MYT1: variants seen among roughly 807,000 people sequenced by gnomAD.
MYT1 encodes the protein myelin transcription factor 1.
In MYT1, 23 loss-of-function variants were observed where a neutral mutation model predicts 123.0. The ratio of observed to expected loss-of-function variants is 0.19; its 90% confidence interval spans 0.13 to 0.26. The LOEUF is 0.26. MYT1 is among the 10% of genes least tolerant of loss of function. MYT1 has a pLI of 1.00. For synonymous variants in MYT1, 518 were observed against 575.3 expected (o/e 0.90, Z 1.43); for missense variants, 1,125 against 1,472.5 (o/e 0.76, Z 3.86).
chr20:64,186,914 C>G lies in MYT1; in HGVS notation c.-98-3149C>G, dbSNP rs1982821526. Among the ~76,000 whole-genome samples the G allele has an allele frequency of 6.7e-6, 1 of 149,868 alleles. No individual in the cohort carries two copies. Among genetic ancestry groups the G allele is most frequent in the African/African-American group, 2.5e-5 (1 of 40,396 alleles). On this transcript the variant is annotated intron_variant, in intron 1 of 22. Coordinates refer to ENST00000328439, the MANE Select transcript of MYT1 (RefSeq NM_004535.3). The surrounding 1 kb of genome is among the most constrained non-coding windows in gnomAD (Gnocchi z 4.3). ...TTCCTGTAGCCCGTGGCCCCGGCATCCATGTTTCCGTGGAGAGTTTTCCTG... is the reference window on the plus strand; with the variant it reads ...TTCCTGTAGCCCGTGGCCCCGGCATGCATGTTTCCGTGGAGAGTTTTCCTG...
chr20:64,229,042 C>T (rs541011348), intron 18 of MYT1, among the ~76,000 whole-genome samples: 34 of 152,248 alleles, frequency 2.2e-4, no homozygotes, highest in African/African-American at 7.0e-4. Flanking sequence ...CCCAAACACC[C>T]GGCCACACTG....
Position 64,232,548 on chromosome 20 carries a change from C to T in MYT1, c.2897+163C>T, listed in dbSNP as rs1035866171. 5.3e-5 allele frequency among the ~76,000 whole-genome samples: 8 copies of T among 152,118 alleles called. No individual in the cohort carries two copies. The highest frequency in any genetic ancestry group is 1.4e-4 in the African/African-American group (6 of 41,404). On this transcript the variant is annotated intron_variant, in intron 19 of 22. Coordinates refer to ENST00000328439, the MANE Select transcript of MYT1 (RefSeq NM_004535.3). The surrounding 1 kb of genome is among the most constrained non-coding windows in gnomAD (Gnocchi z 6.9). ...ATGGGTAGCGGATGGGGGAGGCTAG[C>T]GGGTCTGTTGGTGCCAGGTGATGCT...
Position 64,227,785 on chromosome 20 carries a change from C to A in MYT1, c.2592-103C>A, listed in dbSNP as rs186152454. On this transcript the variant is annotated intron_variant, in intron 17 of 22. Transcript: ENST00000328439. Reference sequence around the variant, plus strand: ...TCGGTTGCCCTCACTCCCTCCCACCCCACCCTGGGGTCACAGAGCTTGAGG... The same window carrying A: ...TCGGTTGCCCTCACTCCCTCCCACCACACCCTGGGGTCACAGAGCTTGAGG... The A allele has an allele frequency of 4.4e-5, 44 of 989,500 alleles. No homozygotes were observed. The African/African-American group carries it at 6.7e-4, about 15-fold the overall frequency. 61.3% of individuals were successfully genotyped at this position (989,500 alleles called of 1,614,324 possible). A position where few individuals can be genotyped will look rare whatever the true frequency, so the allele number is the denominator to read the frequency against.
At chr20:64,176,430 G>C (rs1982455583) in intron 1 of MYT1, among the ~76,000 whole-genome samples, 1 of 149,462 alleles carries the variant, frequency 6.7e-6, no homozygotes, top group African/African-American at 2.5e-5. Flanking sequence ...CCCCTCCCTG[G>C]CTTCTCCTGC....
chr20:64,217,394 C>G, intron 11 of MYT1, 113 bp downstream of exon 11: 1 of 1,176,616 alleles, frequency 8.5e-7, no homozygotes, highest in Non-Finnish European at 1.2e-6. Flanking sequence ...GAGGGAAACT[C>G]TACCCTCATG....
intron 2 of MYT1, 100 bp from the exon 3 acceptor site, chr20:64,198,762 C>A: frequency 7.4e-7 from 1 of 1,343,928 alleles, no homozygotes; most frequent in South Asian, 1.2e-5. Flanking sequence ...CCTTTGCTGT[C>A]AAAGCTTGAG....
At chr20:64,209,715 T>A (rs1281650581) in intron 7 of MYT1, among the ~76,000 whole-genome samples, 1 of 151,792 alleles carries the variant, frequency 6.6e-6, no homozygotes, top group Non-Finnish European at 1.5e-5. Flanking sequence ...CAGACCTGAG[T>A]GAGACATAAT....
chr20:64,211,272 T>C lies in MYT1; in HGVS notation c.1358T>C (p.Val453Ala). 6.2e-7 allele frequency: 1 copy of C among 1,614,140 alleles called. No homozygotes were observed. The highest frequency in any genetic ancestry group is 8.5e-7 in the Non-Finnish European group (1 of 1,179,992). ...PTPGCDGTGH[V>A]TGLYPHHRSL... is the part of the protein sequence containing the mutation. ...CCAGGCTGTGATGGCACTGGCCACG[T>C]TACCGGGTTGTACCCTCACCACCGC... Residue 453 changes from valine to alanine, a missense_variant, in exon 8 of 23, where the codon GTT becomes GCT. Coordinates refer to ENST00000328439, the MANE Select transcript of MYT1 (RefSeq NM_004535.3).
chr20:64,186,908 C>T lies in MYT1; in HGVS notation c.-98-3155C>T, dbSNP rs796282794. ...AGACTTTTCCTGTAGCCCGTGGCCC[C>T]GGCATCCATGTTTCCGTGGAGAGTT... On this transcript the variant is annotated intron_variant, in intron 1 of 22. Coordinates refer to ENST00000328439, the MANE Select transcript of MYT1 (RefSeq NM_004535.3). This position sits in a 1 kb window ranked among gnomAD's most constrained non-coding sequence, Gnocchi z 4.3. Among the ~76,000 whole-genome samples, 5 of 150,172 alleles carry T rather than the reference C, an allele frequency of 3.3e-5. No individual in the cohort carries two copies. Among genetic ancestry groups the T allele is most frequent in the Non-Finnish European group, 7.4e-5 (5 of 67,628 alleles).
rs1982147896 is a variant in MYT1, at chr20:64,168,449, T to G, written c.-99+3710T>G. On this transcript the variant is annotated intron_variant, in intron 1 of 22. Transcript: ENST00000328439. This position sits in a 1 kb window ranked among gnomAD's most constrained non-coding sequence, Gnocchi z 6.1. ...TTTGCACTTAAAAATGCAATGTTAT[T>G]TTAATCGGGAACGAAAGTAACTCAG... Among the ~76,000 whole-genome samples, 1 of 152,234 alleles carries G rather than the reference T, an allele frequency of 6.6e-6. No individual in the cohort carries two copies. Among genetic ancestry groups the G allele is most frequent in the African/African-American group, 2.4e-5 (1 of 41,460 alleles).
intron 7 of MYT1, among the ~76,000 whole-genome samples, chr20:64,210,011 A>G (rs1042838333): frequency 6.6e-6 from 1 of 152,108 alleles, no homozygotes; most frequent in African/African-American, 2.4e-5. Flanking sequence ...ACTTAGGGAC[A>G]GGTGTCAAGG....
In MYT1 at chr20:64,213,621, T is replaced by A; in HGVS notation, c.1605T>A (p.Ser535Arg). Residue 535 changes from serine to arginine, a missense_variant, in exon 10 of 23, where the codon AGT becomes AGA. By Grantham distance (110) the Ser-to-Arg change is moderately radical (BLOSUM62 -1). Coordinates refer to ENST00000328439, the MANE Select transcript of MYT1 (RefSeq NM_004535.3). The surrounding 1 kb of genome is among the most constrained non-coding windows in gnomAD (Gnocchi z 5.6). ...QQPQTGDPSKSSSNSDRILRP... is the reference protein window; with the variant it reads ...QQPQTGDPSKRSSNSDRILRP... ...CGCAGACAGGAGATCCTTCCAAGAG[T>A]AGCTCCAATTCCGATCGGATCCTCA... is the stretch of plus-strand genomic sequence containing the variant. The A allele has an allele frequency of 6.2e-7, 1 of 1,613,644 alleles. No homozygotes were observed. Among genetic ancestry groups the A allele is most frequent in the Admixed American group, 1.7e-5 (1 of 59,994 alleles).
At chr20:64,184,895 G>A (rs1982753338) in intron 1 of MYT1, among the ~76,000 whole-genome samples, 1 of 152,214 alleles carries the variant, frequency 6.6e-6, no homozygotes, top group Admixed American at 6.5e-5. Context: ...GCCAGGAGGA[G>A]CCTGTACAGG....
chr20:64,173,502 C>T (rs1982354347), intron 1 of MYT1, among the ~76,000 whole-genome samples: 1 of 141,078 alleles, frequency 7.1e-6, no homozygotes, highest in African/African-American at 2.7e-5. Context: ...TTAGTTGTGT[C>T]CATTTCCCCT....
chr20:64,198,854 GC>G lies in MYT1; in HGVS notation c.1-7del. On this transcript the variant is annotated splice_polypyrimidine_tract_variant and splice_region_variant and intron_variant, in intron 2 of 22. Coordinates refer to ENST00000328439, the MANE Select transcript of MYT1 (RefSeq NM_004535.3). ...TTTCTTGTTAACGTCGTGGTTTTTT[GC>G]TTGCAGATGAGCTTAGAAAATGAAG... 6.2e-7 allele frequency: 1 copy of G among 1,613,934 alleles called. No individual in the cohort carries two copies. Among genetic ancestry groups the G allele is most frequent in the South Asian group, 1.1e-5 (1 of 91,076 alleles).
Position 64,166,032 on chromosome 20 carries a change from C to T in MYT1, c.-99+1293C>T, listed in dbSNP as rs190308005. Among the ~76,000 whole-genome samples the T allele has an allele frequency of 5.3e-5, 8 of 152,238 alleles. No homozygotes were observed. The East Asian group carries it at 1.5e-3, about 29-fold the overall frequency. Reference sequence around the variant, plus strand: ...GCCTGGGGAGTGGGGGTGCTGTATCCTCTACAGGGCTGACTGAGGGAGGCT... The same window carrying T: ...GCCTGGGGAGTGGGGGTGCTGTATCTTCTACAGGGCTGACTGAGGGAGGCT... On this transcript the variant is annotated intron_variant, in intron 1 of 22. Transcript: ENST00000328439. This position sits in a 1 kb window ranked among gnomAD's most constrained non-coding sequence, Gnocchi z 4.9.
At chr20:64,170,768 C>G (rs1488012898) in intron 1 of MYT1, among the ~76,000 whole-genome samples, 1 of 147,868 alleles carries the variant, frequency 6.8e-6, no homozygotes, top group African/African-American at 2.5e-5. Flanking sequence ...AGCCGTGACC[C>G]AGCCATGTCA....
intron 8 of MYT1, 83 bp downstream of exon 8, chr20:64,211,423 G>A (rs1198534254): frequency 1.3e-5 from 18 of 1,400,530 alleles, no homozygotes; most frequent in South Asian, 2.8e-5. Context: ...ATGGGGAGGC[G>A]TGGCCTGCCC....
intron 7 of MYT1, among the ~76,000 whole-genome samples, chr20:64,210,318 G>T (rs1218814873): frequency 6.6e-6 from 1 of 152,240 alleles, no homozygotes; most frequent in East Asian, 1.9e-4. Flanking sequence ...CAACGTGAAC[G>T]TGCGGTTCTG....
Sources: gnomAD v4.1 joint callset for allele counts (sites outside exome capture counted in the v4.1 genomes callset) on GRCh38, gnomAD v4.1.1 for gene constraint, Gnocchi (gnomAD v3.1) non-coding constraint, MANE v1.5 for transcripts, NCBI Gene and HGNC (gene_info 2026-07-23, HGNC 2026-07-21) for gene names.